The following NANS variants were observed in gnomAD, a reference collection of about 807,000 sequenced individuals.
The protein encoded by NANS is N-acetylneuraminate-9-phosphate synthase.
A neutral mutation model predicts 33.3 loss-of-function variants in NANS; 29 were observed. The observed-to-expected ratio is 0.87, with a 90% CI of 0.65 to 1.19. NANS has a LOEUF of 1.19. NANS is among the 50% of genes most tolerant of loss of function. The pLI, the probability that NANS is intolerant of heterozygous loss-of-function variation, is 0.00. For missense variants in NANS, 394 were observed against 461.1 expected (o/e 0.85, Z 1.33); for synonymous variants, 163 against 177.2 (o/e 0.92, Z 0.64).
chr9:98,061,194 T>A, intron 2 of NANS, 197 bp downstream of exon 2: 1 of 585,452 alleles, frequency 1.7e-6, no homozygotes, highest in Middle Eastern at 4.6e-4. Context: ...ACATTGTCTC[T>A]GGCCGGGCTT....
chr9:98,075,488 G>C (rs1829549670), intron 2 of NANS: 1 of 148,828 alleles, frequency 6.7e-6, no homozygotes, highest in Admixed American at 6.7e-5. Context: ...GGGAGGGAGG[G>C]AAGGAGACAG....
intron 4 of NANS, among the ~76,000 whole-genome samples, chr9:98,079,630 A>AAC (rs1829759228): frequency 6.6e-6 from 1 of 152,204 alleles, no homozygotes; most frequent in African/African-American, 2.4e-5. Context: ...GTCGAAAGTA[A>AAC]ACATCCCCTG....
rs963547940 is a variant in NANS, at chr9:98,061,065, T to C, written c.348+68T>C. The C allele has an allele frequency of 4.0e-6, 6 of 1,504,232 alleles. No homozygotes were observed. The Admixed American group carries it at 1.0e-4, about 25-fold the overall frequency. 93.2% of individuals were successfully genotyped at this position (1,504,232 alleles called of 1,614,324 possible). ...AAGGGTCAGCAGGCAGCCTGGTGACTTCCGGCTTAGGGCCACCTCCAGCCC... is the reference window on the plus strand; with the variant it reads ...AAGGGTCAGCAGGCAGCCTGGTGACCTCCGGCTTAGGGCCACCTCCAGCCC... On this transcript the variant is annotated intron_variant, in intron 2 of 5. Transcript: ENST00000210444.
intron 5 of NANS, among the ~76,000 whole-genome samples, chr9:98,082,466 A>C (rs146505310): frequency 6.6e-6 from 1 of 152,322 alleles, no homozygotes; most frequent in Non-Finnish European, 1.5e-5. Flanking sequence ...ATGTATTGAG[A>C]GCATTCTATG....
chr9:98,056,919 G>A lies in NANS; in HGVS notation c.111G>A (p.Lys37=). The A allele has an allele frequency of 2.5e-6, 4 of 1,605,560 alleles. No individual in the cohort carries two copies. Among genetic ancestry groups the A allele is most frequent in the Non-Finnish European group, 2.6e-6 (3 of 1,176,356 alleles). Residue 37 remains lysine, a synonymous_variant, in exon 1 of 6, where the codon AAG becomes AAA. Coordinates refer to ENST00000210444, the MANE Select transcript of NANS (RefSeq NM_018946.4). The stretch of plus-strand genomic sequence containing the variant: ...ACCAGGGCGACCTGGACGTAGCCAA[G>A]CGCATGATCCGCATGGCCAAGGTGA... ...QNHQGDLDVA[K]RMIRMAKECG...
chr9:98,066,952 C>T (rs1205756471), intron 2 of NANS, among the ~76,000 whole-genome samples: 1 of 152,138 alleles, frequency 6.6e-6, no homozygotes, highest in African/African-American at 2.4e-5. Context: ...CGTCCAGCCT[C>T]AAATTTCTGT....
rs3739670 is a variant in NANS at position 98,056,910 on chromosome 9, C to T, written c.102C>T (p.Asp34=). The stretch of plus-strand genomic sequence containing the variant: ...GCCAGAACCACCAGGGCGACCTGGA[C>T]GTAGCCAAGCGCATGATCCGCATGG... ...EIGQNHQGDL[D]VAKRMIRMAK... The change falls in exon 1 of 6, where the codon GAC becomes GAT. Residue 34 remains aspartate, a synonymous_variant. Transcript: ENST00000210444. 0.24 allele frequency: 382,699 copies of T among 1,608,508 alleles called. 56,116 individuals carry two copies. Among genetic ancestry groups the T allele is most frequent in the African/African-American group, 0.63 (46,607 of 74,208 alleles).
At chr9:98,081,283 CAT>C (rs1305017833) in intron 5 of NANS, 11 of 672,562 alleles carry the variant, frequency 1.6e-5, no homozygotes, top group Admixed American at 3.1e-5. Context: ...GCAGGAGACA[CAT>C]GTTATCTAAC....
In NANS at chr9:98,082,736, T is replaced by A. The variant is rs544737359; in HGVS notation, c.871-110T>A. On this transcript the variant is annotated intron_variant, in intron 5 of 5. Coordinates refer to ENST00000210444, the MANE Select transcript of NANS (RefSeq NM_018946.4). Reference sequence around the variant, plus strand: ...GTGTAGGGGGCAACAGAGTGCCTGCTCCCAAGGTACTGCCTGGGGAAGACT... The same window carrying A: ...GTGTAGGGGGCAACAGAGTGCCTGCACCCAAGGTACTGCCTGGGGAAGACT... 5.2e-4 allele frequency: 513 copies of A among 991,076 alleles called. 1 individual carries two copies. Among genetic ancestry groups the A allele is most frequent in the Admixed American group, 7.0e-4 (30 of 43,154 alleles). The allele number at this position is 991,076 out of a possible 1,614,324, so 61.4% of individuals were successfully genotyped here.
chr9:98,076,509 G>A (rs1829598439), intron 2 of NANS: 1 of 182,628 alleles, frequency 5.5e-6, no homozygotes, highest in African/African-American at 2.4e-5. Flanking sequence ...TGAGTAGCTG[G>A]GATCACAGGT....
intron 4 of NANS, among the ~76,000 whole-genome samples, chr9:98,079,864 A>T (rs915623563): frequency 6.6e-6 from 1 of 151,966 alleles, no homozygotes; most frequent in African/African-American, 2.4e-5. Flanking sequence ...TCCATCACAC[A>T]CCCTTAAGCC....
chr9:98,060,024 G>A (rs770658646), intron 1 of NANS, among the ~76,000 whole-genome samples: 12 of 152,230 alleles, frequency 7.9e-5, no homozygotes, highest in Non-Finnish European at 1.3e-4. Context: ...CTTTTATATC[G>A]ATGGAGAAAC....
At chr9:98,076,472 T>G (rs904901191) in intron 2 of NANS, 13 of 166,512 alleles carry the variant, frequency 7.8e-5, no homozygotes, top group Non-Finnish European at 6.4e-5. Context: ...CCTCCCAGGT[T>G]CAAGTGATTC....
chr9:98,082,916 T>A lies in NANS; in HGVS notation c.941T>A (p.Val314Glu). The change falls in exon 6 of 6, where the codon GTG (valine) becomes GAG (glutamate). Residue 314 changes from valine (V) to glutamate (E), a missense_variant. Physicochemically the swap from Val to Glu is moderately radical, Grantham distance 121. Coordinates refer to ENST00000210444, the MANE Select transcript of NANS (RefSeq NM_018946.4). ...GTILTMDMLT[V>E]KVGEPKGYPP... ...ATTCTAACAATGGACATGCTCACCG[T>A]GAAGGTGGGTGAGCCCAAAGGCTAT... 1 of 1,614,166 alleles carries A rather than the reference T, an allele frequency of 6.2e-7. No individual in the cohort carries two copies. The highest frequency in any genetic ancestry group is 2.2e-5 in the East Asian group (1 of 44,886).
At chr9:98,077,856 G>A (rs1289766682) in intron 3 of NANS, among the ~76,000 whole-genome samples, 1 of 152,142 alleles carries the variant, frequency 6.6e-6, no homozygotes, top group Non-Finnish European at 1.5e-5. Context: ...TCACACTCTT[G>A]AATCAGCACT....
At position 98,080,876 on chromosome 9, in the gene NANS, G is replaced by A. The variant is rs12685217; in HGVS notation, c.664G>A (p.Ala222Thr). 6 of 1,614,030 alleles carry A rather than the reference G, an allele frequency of 3.7e-6. No homozygotes were observed. The highest frequency in any genetic ancestry group is 4.2e-6 in the Non-Finnish European group (5 of 1,179,910). ...GTATTCTGGGCATGAAACAGGCATA[G>A]CGATATCTGTGGCCGCAGTGGCTCT... The part of the protein sequence containing the change: ...IGYSGHETGI[A>T]ISVAAVALGA... The change falls in exon 5 of 6, where the codon GCG becomes ACG. Residue 222 changes from alanine to threonine, a missense_variant. Coordinates refer to ENST00000210444, the MANE Select transcript of NANS (RefSeq NM_018946.4).
intron 2 of NANS, among the ~76,000 whole-genome samples, chr9:98,067,615 T>C (rs1195361670): frequency 1.3e-5 from 2 of 152,256 alleles, no homozygotes; most frequent in Non-Finnish European, 2.9e-5. Context: ...AATTATTTTT[T>C]CATGTATAGC....
chr9:98,063,889 T>C (rs1025578622), intron 2 of NANS, among the ~76,000 whole-genome samples: 2 of 151,864 alleles, frequency 1.3e-5, no homozygotes, highest in African/African-American at 4.8e-5. Flanking sequence ...ATCTTTTCTC[T>C]GTTTGGGGTT....
chr9:98,077,762 A>G (rs1829653858), intron 3 of NANS, among the ~76,000 whole-genome samples: 1 of 152,060 alleles, frequency 6.6e-6, no homozygotes, highest in Non-Finnish European at 1.5e-5. Flanking sequence ...TACTTATTTC[A>G]CAGGGGAGGC....
Sources: gnomAD v4.1 joint callset for allele counts (sites outside exome capture counted in the v4.1 genomes callset) on GRCh38, gnomAD v4.1.1 for gene constraint, MANE v1.5 for transcripts, NCBI Gene and HGNC (gene_info 2026-07-23, HGNC 2026-07-21) for gene names.